Variants in INPP4A observed in about 807,000 individuals in gnomAD.
INPP4A encodes inositol polyphosphate-4-phosphatase type I A, also known as inositol polyphosphate-4-phosphatase, type I, 107kD.
A neutral mutation model predicts 119.8 loss-of-function variants in INPP4A; 33 were observed. The ratio of observed to expected loss-of-function variants is 0.28; its 90% confidence interval spans 0.21 to 0.37. INPP4A has a LOEUF of 0.37. Among genes scored for constraint, INPP4A ranks in the 10% least tolerant of loss-of-function variants. INPP4A has a pLI of 1.00. For synonymous variants in INPP4A, 496 were observed against 500.7 expected (o/e 0.99, Z 0.12); for missense variants, 956 against 1,289.9 (o/e 0.74, Z 3.97).
rs888557111 is a variant in INPP4A at position 98,570,858 on chromosome 2, G to A, written c.2519-1957G>A. ...ACATGAGAGAGGTGAGCACAGAACC[G>A]GGGCCTTGAGGGGAGTGGAGGTGAC... On this transcript the variant is annotated intron_variant, in intron 22 of 24. Coordinates refer to ENST00000409851, the MANE Select transcript of INPP4A (RefSeq NM_001134225.2). The surrounding 1 kb of genome is among the most constrained non-coding windows in gnomAD (Gnocchi z 4.3). Among the ~76,000 whole-genome samples, 3 of 152,122 alleles carry A rather than the reference G, an allele frequency of 2.0e-5. No individual in the cohort carries two copies. The highest frequency in any genetic ancestry group is 2.9e-5 in the Non-Finnish European group (2 of 68,014).
intron 10 of INPP4A, among the ~76,000 whole-genome samples, chr2:98,541,216 A>G (rs6726096): frequency 2.1e-3 from 318 of 151,738 alleles, no homozygotes; most frequent in African/African-American, 7.4e-3. Context: ...AGTCCCAGCT[A>G]CTCGGGAGGC....
intron 1 of INPP4A, among the ~76,000 whole-genome samples, chr2:98,496,783 A>C (rs1432888614): frequency 6.6e-6 from 1 of 152,200 alleles, no homozygotes; most frequent in Non-Finnish European, 1.5e-5. Context: ...ATCACTAATC[A>C]TCAGGGAAAT....
At chr2:98,466,322 A>C (rs1674777105) in intron 1 of INPP4A, among the ~76,000 whole-genome samples, 1 of 152,250 alleles carries the variant, frequency 6.6e-6, no homozygotes, top group African/African-American at 2.4e-5. Context: ...CTGGGATTAC[A>C]GGCGTGAGCC....
At chr2:98,445,293 C>T (rs966310841) in intron 1 of INPP4A, among the ~76,000 whole-genome samples, 2 of 152,136 alleles carry the variant, frequency 1.3e-5, no homozygotes, top group Non-Finnish European at 2.9e-5. Flanking sequence ...CGGCCGACCC[C>T]CAGCCCCGTG....
chr2:98,541,950 CAT>C (rs1691543589), intron 10 of INPP4A, among the ~76,000 whole-genome samples: 1 of 152,168 alleles, frequency 6.6e-6, no homozygotes, highest in Admixed American at 6.5e-5. Context: ...GCAACAACCA[CAT>C]GTCAGGCACT....
At chr2:98,572,361 G>A (rs1010988811) in intron 22 of INPP4A, among the ~76,000 whole-genome samples, 1 of 152,216 alleles carries the variant, frequency 6.6e-6, no homozygotes, top group Non-Finnish European at 1.5e-5. Flanking sequence ...ATGGGCCAAG[G>A]GCCCCCTGGA....
At position 98,538,880 on chromosome 2, in the gene INPP4A, T is replaced by C; in HGVS notation, c.580-11T>C. 6.5e-7 allele frequency: 1 copy of C among 1,550,178 alleles called. No individual in the cohort carries two copies. Among genetic ancestry groups the C allele is most frequent in the Non-Finnish European group, 8.9e-7 (1 of 1,123,806 alleles). On this transcript the variant is annotated splice_polypyrimidine_tract_variant and intron_variant, in intron 8 of 24. Coordinates refer to ENST00000409851, the MANE Select transcript of INPP4A (RefSeq NM_001134225.2). ...CACAGTTTTCTTGTGCATTTCCTTA[T>C]ACATTATCAGATGGTTCTTCCTGTC...
intron 1 of INPP4A, among the ~76,000 whole-genome samples, chr2:98,450,252 A>G (rs1368027615): frequency 6.6e-6 from 1 of 152,184 alleles, no homozygotes; most frequent in Non-Finnish European, 1.5e-5. Flanking sequence ...GGGTAGTTAA[A>G]AGAGGCTCAA....
chr2:98,533,401 C>T lies in INPP4A; in HGVS notation c.176C>T (p.Ser59Leu), dbSNP rs199762176. The change falls in exon 5 of 25, where the codon TCG becomes TTG. Residue 59 changes from serine to leucine, a missense_variant. Physicochemically the swap from Ser to Leu is moderately radical, Grantham distance 145 (BLOSUM62 -2). Coordinates refer to ENST00000409851, the MANE Select transcript of INPP4A (RefSeq NM_001134225.2). ...GCTTGCAGTGAGCTGCATACTCCAT[C>T]GCTAGATCGAAAGCCAAATAGTTTT... ...SLACSELHTPSLDRKPNSFVA... is the reference protein window; with the variant it reads ...SLACSELHTPLLDRKPNSFVA... 1.5e-4 allele frequency: 250 copies of T among 1,613,104 alleles called. 1 individual carries two copies. Among genetic ancestry groups the T allele is most frequent in the Non-Finnish European group, 1.9e-4 (228 of 1,179,400 alleles).
At chr2:98,527,725 A>G (rs950225411) in intron 4 of INPP4A, among the ~76,000 whole-genome samples, 4 of 152,214 alleles carry the variant, frequency 2.6e-5, no homozygotes, top group Non-Finnish European at 2.9e-5. Context: ...ACTCTTAGCT[A>G]CAGCAAAGGT....
chr2:98,533,675 A>G (rs1689673519), intron 5 of INPP4A, among the ~76,000 whole-genome samples, 180 bp downstream of exon 5: 1 of 152,210 alleles, frequency 6.6e-6, no homozygotes. Flanking sequence ...TCTGGGTGGC[A>G]TTTATATTGC....
intron 1 of INPP4A, among the ~76,000 whole-genome samples, chr2:98,450,208 TGTG>T (rs1230612811): frequency 2.6e-5 from 4 of 152,170 alleles, no homozygotes; most frequent in Non-Finnish European, 2.9e-5. Context: ...AAAGGTGAGC[TGTG>T]GTGTTGAGGA....
chr2:98,580,842 T>C (rs1205681429), intron 24 of INPP4A, among the ~76,000 whole-genome samples: 1 of 152,220 alleles, frequency 6.6e-6, no homozygotes, highest in African/African-American at 2.4e-5. Context: ...CTAGGTACCA[T>C]CTCACCTCAG....
intron 1 of INPP4A, among the ~76,000 whole-genome samples, chr2:98,497,240 A>G (rs1004405670): frequency 6.6e-6 from 1 of 152,220 alleles, no homozygotes; most frequent in East Asian, 1.9e-4. Flanking sequence ...CACTGCCTAG[A>G]TTTCAGAGGC....
rs924138297 is a variant in INPP4A at position 98,593,884 on chromosome 2, A to G, written c.*6276A>G. 1.3e-5 allele frequency: 2 copies of G among 152,176 alleles called. No individual in the cohort carries two copies. Among genetic ancestry groups the G allele is most frequent in the South Asian group, 2.1e-4 (1 of 4,828 alleles). 9.4% of individuals were successfully genotyped at this position (152,176 alleles called of 1,614,324 possible). On this transcript the variant is annotated 3_prime_UTR_variant, in exon 25 of 25. Transcript: ENST00000409851. ...GCTAGTCTCAGGTCTGCCTTCCTCTATGGTGATTTCTCCCCACAAATGAAG... is the reference window on the plus strand; with the variant it reads ...GCTAGTCTCAGGTCTGCCTTCCTCTGTGGTGATTTCTCCCCACAAATGAAG...
chr2:98,562,874 T>G, intron 17 of INPP4A, among the ~76,000 whole-genome samples: 1 of 150,842 alleles, frequency 6.6e-6, no homozygotes, highest in African/African-American at 2.4e-5. Flanking sequence ...GGGAAGGAAG[T>G]GAGTGCAAGG....
At chr2:98,495,649 C>G (rs569431502) in intron 1 of INPP4A, among the ~76,000 whole-genome samples, 4 of 152,144 alleles carry the variant, frequency 2.6e-5, no homozygotes, top group Non-Finnish European at 5.9e-5. Flanking sequence ...TAGGTGGATT[C>G]AGAGATTTTC....
Position 98,577,007 on chromosome 2 carries a change from G to C in INPP4A, c.2650G>C (p.Gly884Arg). 1 of 1,613,086 alleles carries C rather than the reference G, an allele frequency of 6.2e-7. No individual in the cohort carries two copies. The highest frequency in any genetic ancestry group is 8.5e-7 in the Non-Finnish European group (1 of 1,179,200). The change falls in exon 24 of 25, where the codon GGG becomes CGG. Residue 884 changes from glycine (G) to arginine (R), a missense_variant. Transcript: ENST00000409851. ...QAAEICRRLNGVRFTSCKSAK... is the reference protein window; with the variant it reads ...QAAEICRRLNRVRFTSCKSAK... ...TTGGCAGATCTGCCGCCGCCTTAAT[G>C]GGGTCCGGTTCACCAGCTGCAAGAG...
At chr2:98,532,733 T>G (rs1253177993) in intron 4 of INPP4A, among the ~76,000 whole-genome samples, 1 of 151,746 alleles carries the variant, frequency 6.6e-6, no homozygotes, top group Non-Finnish European at 1.5e-5. Flanking sequence ...GTGTTTGTTC[T>G]GGGACGTTAG....
Sources: gnomAD v4.1 joint callset for allele counts (sites outside exome capture counted in the v4.1 genomes callset) on GRCh38, gnomAD v4.1.1 for gene constraint, Gnocchi (gnomAD v3.1) non-coding constraint, MANE v1.5 for transcripts, NCBI Gene and HGNC (gene_info 2026-07-23, HGNC 2026-07-21) for gene names.